Variants in MTUS2 observed in about 807,000 individuals in gnomAD.
The protein encoded by MTUS2 is microtubule associated scaffold protein 2, also known as microtubule-associated tumor suppressor candidate 2.
A neutral mutation model predicts 114.1 loss-of-function variants in MTUS2; 40 were observed. That is an observed-to-expected ratio of 0.35 (90% confidence interval 0.27 to 0.46). The LOEUF (loss-of-function observed/expected upper bound fraction) is 0.46, where lower values mean the gene tolerates loss of function less well. Among genes scored for constraint, MTUS2 ranks in the 20% least tolerant of loss-of-function variants. MTUS2 has a pLI of 1.00. For synonymous variants in MTUS2, 688 were observed against 672.0 expected (o/e 1.02, Z -0.37); for missense variants, 1,679 against 1,705.4 (o/e 0.98, Z 0.27).
At chr13:29,052,758 G>A (rs917531618) in intron 4 of MTUS2, among the ~76,000 whole-genome samples, 2 of 152,176 alleles carry the variant, frequency 1.3e-5, no homozygotes, top group African/African-American at 4.8e-5. Context: ...AACAACCTAA[G>A]TATAATGATG....
Position 29,480,350 on chromosome 13 carries a change from C to A in MTUS2, c.3385C>A (p.Gln1129Lys). 6.5e-7 allele frequency: 1 copy of A among 1,537,756 alleles called. No individual in the cohort carries two copies. Among genetic ancestry groups the A allele is most frequent in the South Asian group, 1.2e-5 (1 of 81,036 alleles). ...TGACCAGCTGCTGAGCATCCGGTGT[C>A]AACACCAGGAGCAGGTCAGTCTGCA... ...HGDQLLSIRCQHQEQVEDLTA... is the reference protein window; with the variant it reads ...HGDQLLSIRCKHQEQVEDLTA... Residue 1129 changes from glutamine (Q) to lysine (K), a missense_variant, in exon 10 of 16, where the codon CAA becomes AAA. Around this residue, in one of 3 missense-constraint regions of MTUS2, gnomAD observed 822 missense variants for 899.7 expected, o/e 0.91. Transcript: ENST00000612955. The surrounding 1 kb of genome is among the most constrained non-coding windows in gnomAD (Gnocchi z 4.4).
intron 2 of MTUS2, among the ~76,000 whole-genome samples, chr13:28,903,947 C>T (rs765956208): frequency 2.0e-5 from 3 of 152,126 alleles, no homozygotes; most frequent in Non-Finnish European, 2.9e-5. Context: ...TTTTAATGAT[C>T]ACCATTCTAA....
At chr13:29,307,472 C>G in intron 6 of MTUS2, 1 of 1,325,884 alleles carries the variant, frequency 7.5e-7, no homozygotes. Flanking sequence ...ACTGGCATGG[C>G]CTTCTGTGTC....
At chr13:29,388,902 A>G (rs1175771490) in intron 8 of MTUS2, among the ~76,000 whole-genome samples, 1 of 151,924 alleles carries the variant, frequency 6.6e-6, no homozygotes, top group East Asian at 1.9e-4. Context: ...AGGCATATCT[A>G]TATTTTATGT....
chr13:29,023,730 G>C (rs1264579887), intron 2 of MTUS2, among the ~76,000 whole-genome samples: 1 of 152,096 alleles, frequency 6.6e-6, no homozygotes, highest in African/African-American at 2.4e-5. Flanking sequence ...CATTTTTTGG[G>C]ACCAGTTAGG....
At chr13:28,872,381 G>GA (rs1242234924) in intron 2 of MTUS2, among the ~76,000 whole-genome samples, 2 of 152,090 alleles carry the variant, frequency 1.3e-5, no homozygotes, top group Non-Finnish European at 2.9e-5. Flanking sequence ...AGGTTTTTGG[G>GA]AAAAAACCAA....
chr13:28,862,456 C>CA (rs948417715), intron 2 of MTUS2, among the ~76,000 whole-genome samples: 7 of 152,102 alleles, frequency 4.6e-5, no homozygotes, highest in African/African-American at 1.4e-4. Flanking sequence ...ACTAAAAATT[C>CA]AAAAAAATTA....
chr13:29,374,089 G>A (rs1871394800), intron 8 of MTUS2, among the ~76,000 whole-genome samples: 1 of 152,154 alleles, frequency 6.6e-6, no homozygotes, highest in African/African-American at 2.4e-5. Context: ...ATAACTGGAT[G>A]GAAATGATGG....
At chr13:29,148,476 T>TGCTGAGGA (rs1313550522) in intron 5 of MTUS2, among the ~76,000 whole-genome samples, 8 of 104,496 alleles carry the variant, frequency 7.7e-5, no homozygotes, top group South Asian at 3.7e-4. Flanking sequence ...GGTTTTCTTT[T>TGCTGAGGA]TTTTTTTTTT....
rs1032514046 is a variant in MTUS2 at position 29,094,931 on chromosome 13, C to T, written c.2447-5842C>T. On this transcript the variant is annotated intron_variant, in intron 4 of 15. Coordinates refer to ENST00000612955, the MANE Select transcript of MTUS2 (RefSeq NM_001033602.4). The stretch of plus-strand genomic sequence containing the variant: ...ATTCCCCTTTCAATTTTATCTTTGA[C>T]CCAGTGGTTATTTATGTGTGTTCAT... Among the ~76,000 whole-genome samples the T allele has an allele frequency of 2.6e-5, 4 of 151,942 alleles. No homozygotes were observed. The South Asian group carries it at 8.3e-4, about 31-fold the overall frequency.
Position 28,833,104 on chromosome 13 carries a change from G to T in MTUS2, c.-315-6674G>T, listed in dbSNP as rs956020837. Among the ~76,000 whole-genome samples the T allele has an allele frequency of 1.3e-5, 2 of 152,060 alleles. 1 individual carries two copies. The highest frequency in any genetic ancestry group is 2.9e-5 in the Non-Finnish European group (2 of 67,982). On this transcript the variant is annotated intron_variant, in intron 1 of 15. Transcript: ENST00000612955. Reference sequence around the variant, plus strand: ...TATTTTTCCATGAAGAAAAGCCCAGGCTGGGATGGCTTCAACGGTAAATTC... The same window carrying T: ...TATTTTTCCATGAAGAAAAGCCCAGTCTGGGATGGCTTCAACGGTAAATTC...
chr13:28,963,405 A>C (rs1883426760), intron 2 of MTUS2, among the ~76,000 whole-genome samples: 1 of 152,220 alleles, frequency 6.6e-6, no homozygotes, highest in African/African-American at 2.4e-5. Context: ...GCATATGTGT[A>C]AATAATGCAA....
chr13:28,978,829 G>A (rs1389034083), intron 2 of MTUS2, among the ~76,000 whole-genome samples: 2 of 152,188 alleles, frequency 1.3e-5, no homozygotes, highest in East Asian at 1.9e-4. Flanking sequence ...ATCTGCCCAG[G>A]TCTTGCCAGT....
At chr13:29,422,823 G>A (rs1457688093) in intron 8 of MTUS2, among the ~76,000 whole-genome samples, 1 of 151,900 alleles carries the variant, frequency 6.6e-6, no homozygotes, top group East Asian at 1.9e-4. Flanking sequence ...ATAGAGACAG[G>A]GTTTCACCCT....
At chr13:29,246,227 A>G (rs1283521798) in intron 5 of MTUS2, among the ~76,000 whole-genome samples, 1 of 152,210 alleles carries the variant, frequency 6.6e-6, no homozygotes, top group African/African-American at 2.4e-5. Context: ...GTGATTTATG[A>G]AGGACAGAAT....
intron 2 of MTUS2, among the ~76,000 whole-genome samples, chr13:28,875,704 A>G (rs1877889316): frequency 6.6e-6 from 1 of 152,214 alleles, no homozygotes; most frequent in South Asian, 2.1e-4. Flanking sequence ...CATTTTCAAC[A>G]GCTTGGGATG....
At chr13:29,406,039 C>A (rs1159848751) in intron 8 of MTUS2, among the ~76,000 whole-genome samples, 1 of 152,158 alleles carries the variant, frequency 6.6e-6, no homozygotes, top group Admixed American at 6.5e-5. Flanking sequence ...CTGCGCCTGG[C>A]CTTAACTATG....
Position 28,933,817 on chromosome 13 carries a change from C to T in MTUS2, c.-242-90640C>T, listed in dbSNP as rs202093103. On this transcript the variant is annotated intron_variant, in intron 2 of 15. Coordinates refer to ENST00000612955, the MANE Select transcript of MTUS2 (RefSeq NM_001033602.4). ...GTCCGTTCCAGAGACCTTACTATTT[C>T]CACTCTCTGTGCTGCCTCTCAAGGG... Among the ~76,000 whole-genome samples, 40 of 152,326 alleles carry T rather than the reference C, an allele frequency of 2.6e-4. No individual in the cohort carries two copies. The East Asian group carries it at 7.3e-3, about 28-fold the overall frequency.
intron 8 of MTUS2, among the ~76,000 whole-genome samples, chr13:29,365,805 A>T (rs1432884139): frequency 2.0e-5 from 3 of 152,190 alleles, no homozygotes; most frequent in Non-Finnish European, 4.4e-5. Context: ...CCTCTGGCAG[A>T]TACCAATTCT....
Sources: allele counts gnomAD v4.1 joint callset (sites outside exome capture counted in the v4.1 genomes callset), GRCh38; gene constraint gnomAD v4.1.1; regional missense constraint gnomAD v4.1.1; non-coding constraint Gnocchi (gnomAD v3.1); transcripts MANE v1.5; gene names NCBI Gene and HGNC (gene_info 2026-07-23, HGNC 2026-07-21).